FAR2: variants seen among roughly 807,000 people sequenced by gnomAD.
The protein encoded by FAR2 is fatty acyl-CoA reductase 2.
FAR2 carries 19 observed loss-of-function variants against 56.0 expected under a neutral mutation model. That is an observed-to-expected ratio of 0.34 (90% CI 0.24 to 0.50). FAR2 has a LOEUF of 0.50. Ranked by LOEUF, FAR2 falls within the 20% of genes least tolerant of loss-of-function variation. The pLI, the probability that FAR2 is intolerant of heterozygous loss-of-function variation, is 0.98. For missense variants in FAR2, 508 were observed against 642.2 expected (o/e 0.79, Z 2.26); for synonymous variants, 219 against 218.8 (o/e 1.00, Z -0.01).
intron 1 of FAR2, among the ~76,000 whole-genome samples, chr12:29,244,052 G>T (rs1278347164): frequency 1.3e-5 from 2 of 152,124 alleles, no homozygotes; most frequent in Admixed American, 6.5e-5. Flanking sequence ...ATATCAAATA[G>T]CTATTGTGGT....
chr12:29,250,844 C>T (rs991299453), intron 1 of FAR2, among the ~76,000 whole-genome samples: 85 of 152,294 alleles, frequency 5.6e-4, no homozygotes, highest in African/African-American at 2.0e-3. Flanking sequence ...GCCCCAGCAT[C>T]CTAGAGGAGC....
intron 4 of FAR2, among the ~76,000 whole-genome samples, chr12:29,305,346 C>G (rs539729879): frequency 4.6e-5 from 7 of 152,106 alleles, no homozygotes; most frequent in Admixed American, 4.6e-4. Context: ...TTATGTTGCC[C>G]AGGCTGGTCT....
rs1949023268 is a variant in FAR2 at position 29,294,477 on chromosome 12, A to T, written c.365+1002A>T. Among the ~76,000 whole-genome samples, 3 of 151,984 alleles carry T rather than the reference A, an allele frequency of 2.0e-5. No individual in the cohort carries two copies. The East Asian group carries it at 5.8e-4, about 29-fold the overall frequency. On this transcript the variant is annotated intron_variant, in intron 3 of 11. Transcript: ENST00000536681. ...ATTCTCCTGCCTCAGCCTCCCAAGT[A>T]GTTGGGATTACGGGTGCCTGCCACC... is the stretch of plus-strand genomic sequence containing the variant.
intron 1 of FAR2, among the ~76,000 whole-genome samples, chr12:29,192,713 C>T (rs1166412480): frequency 1.3e-5 from 2 of 152,158 alleles, no homozygotes; most frequent in Admixed American, 6.5e-5. Flanking sequence ...GCTCAACATT[C>T]CATAAAACAT....
intron 3 of FAR2, among the ~76,000 whole-genome samples, chr12:29,294,630 G>T (rs1411619589): frequency 6.6e-6 from 1 of 152,220 alleles, no homozygotes; most frequent in Non-Finnish European, 1.5e-5. Flanking sequence ...GATTACAGGC[G>T]TGAGCCACTG....
chr12:29,277,866 G>T (rs1380402097), intron 2 of FAR2: 1 of 151,396 alleles, frequency 6.6e-6, no homozygotes, highest in African/African-American at 2.4e-5. Context: ...CCATCTCATC[G>T]AATGAGCATT....
intron 1 of FAR2, among the ~76,000 whole-genome samples, chr12:29,236,410 C>A (rs1947942349): frequency 6.6e-6 from 1 of 152,122 alleles, no homozygotes; most frequent in Non-Finnish European, 1.5e-5. Context: ...TTTCACACTG[C>A]TATAAAGAAA....
chr12:29,240,521 G>GT (rs67415489), intron 1 of FAR2, among the ~76,000 whole-genome samples: 147,927 of 149,118 alleles, frequency 0.99, 73,375 homozygotes, highest in South Asian at 1. Flanking sequence ...AAAATGGGTT[G>GT]TTTTTTTTTT....
intron 1 of FAR2, among the ~76,000 whole-genome samples, chr12:29,159,469 C>T (rs1184808659): frequency 7.0e-6 from 1 of 142,992 alleles, no homozygotes; most frequent in East Asian, 2.0e-4. Flanking sequence ...ATCCAGGAGG[C>T]AGAGCTTACA....
intron 10 of FAR2, chr12:29,331,963 T>A (rs895660522): frequency 6.6e-6 from 1 of 152,208 alleles, no homozygotes; most frequent in African/African-American, 2.4e-5. Context: ...TGTCACTCTC[T>A]GTATCTGTCT....
At chr12:29,284,655 A>C (rs1245769115) in intron 2 of FAR2, among the ~76,000 whole-genome samples, 1 of 152,240 alleles carries the variant, frequency 6.6e-6, no homozygotes, top group African/African-American at 2.4e-5. Context: ...AGTTTATTGA[A>C]TCCTTTTGAG....
At chr12:29,162,482 G>A (rs1292212331) in intron 1 of FAR2, among the ~76,000 whole-genome samples, 5 of 152,068 alleles carry the variant, frequency 3.3e-5, no homozygotes, top group Admixed American at 6.6e-5. Flanking sequence ...TCAGTGTTAA[G>A]GTCAAATGCT....
At chr12:29,157,622 C>T (rs189734440) in intron 1 of FAR2, among the ~76,000 whole-genome samples, 1 of 152,248 alleles carries the variant, frequency 6.6e-6, no homozygotes, top group East Asian at 1.9e-4. Context: ...AATAATATTT[C>T]CTGAGCCAAG....
At chr12:29,226,616 G>A (rs1387158075) in intron 1 of FAR2, among the ~76,000 whole-genome samples, 2 of 152,120 alleles carry the variant, frequency 1.3e-5, no homozygotes, top group Non-Finnish European at 2.9e-5. Context: ...TGAGTCTTGT[G>A]GGGTGGTCAT....
At chr12:29,295,043 C>T (rs4930861) in intron 3 of FAR2, among the ~76,000 whole-genome samples, 151,495 of 152,342 alleles carry the variant, frequency 0.99, 75,331 homozygotes, top group East Asian at 1. Context: ...ACTGTAATTT[C>T]TATTATATTA....
chr12:29,296,087 A>G (rs979842838), intron 3 of FAR2, among the ~76,000 whole-genome samples: 3 of 152,336 alleles, frequency 2.0e-5, no homozygotes, highest in East Asian at 3.9e-4. Flanking sequence ...AATTTTTATC[A>G]GTGGACACCT....
intron 1 of FAR2, among the ~76,000 whole-genome samples, chr12:29,192,296 G>T (rs1171946937): frequency 6.6e-6 from 1 of 152,094 alleles, no homozygotes; most frequent in Non-Finnish European, 1.5e-5. Flanking sequence ...TTATGATTTT[G>T]CAAATGTGAA....
At chr12:29,220,829 GAAGTA>G (rs943778239) in intron 1 of FAR2, among the ~76,000 whole-genome samples, 1 of 152,098 alleles carries the variant, frequency 6.6e-6, no homozygotes, top group Non-Finnish European at 1.5e-5. Flanking sequence ...GGAATCAAAG[GAAGTA>G]AAGTACACTT....
At position 29,325,135 on chromosome 12, in the gene FAR2, G is replaced by T. The variant is rs536158453; in HGVS notation, c.1257+3211G>T. ...ATAAAACAGACTTTAAACCAACAAA[G>T]ATCAAAAGAGACAAAGAAGGCCATT... On this transcript the variant is annotated intron_variant, in intron 10 of 11. Coordinates refer to ENST00000536681, the MANE Select transcript of FAR2 (RefSeq NM_001271783.2). Among the ~76,000 whole-genome samples, 519 of 152,170 alleles carry T rather than the reference G, an allele frequency of 3.4e-3. 5 individuals carry two copies. The highest frequency in any genetic ancestry group is 0.012 in the African/African-American group (488 of 41,484).
Sources: gnomAD v4.1 joint callset for allele counts (sites outside exome capture counted in the v4.1 genomes callset) on GRCh38, gnomAD v4.1.1 for gene constraint, MANE v1.5 for transcripts, NCBI Gene and HGNC (gene_info 2026-07-23, HGNC 2026-07-21) for gene names.